USP3: variants seen among roughly 807,000 people sequenced by gnomAD.
USP3 encodes the protein ubiquitin carboxyl-terminal hydrolase 3.
USP3 carries 20 observed loss-of-function variants against 72.3 expected under a neutral mutation model. The observed-to-expected ratio is 0.28, with a 90% CI of 0.19 to 0.40. USP3 has a LOEUF of 0.40. USP3 is among the 10% of genes least tolerant of loss of function. The pLI is 1.00. For missense variants in USP3, 479 were observed against 633.9 expected, an observed-to-expected ratio of 0.76 and a Z score of 2.62; for synonymous variants, 222 against 225.3, an observed-to-expected ratio of 0.99 and a Z score of 0.13.
intron 9 of USP3, among the ~76,000 whole-genome samples, chr15:63,573,269 C>T (rs2066808641): frequency 6.6e-6 from 1 of 151,966 alleles, no homozygotes; most frequent in Non-Finnish European, 1.5e-5. Flanking sequence ...AAGCACTTCA[C>T]ATACACAACT....
At chr15:63,548,124 T>G (rs575859533) in intron 3 of USP3, among the ~76,000 whole-genome samples, 44 of 150,322 alleles carry the variant, frequency 2.9e-4, no homozygotes, top group African/African-American at 1.1e-3. Flanking sequence ...AAAATAAATA[T>G]AGTTACAAAA....
At position 63,529,190 on chromosome 15, in the gene USP3, T is replaced by C. The variant is rs370074821; in HGVS notation, c.92-3457T>C. ...AGGTAGTAAAGTGGTTTTTTTTTTT[T>C]TCTTTTTTTTGAGATATATTAAAAG... On this transcript the variant is annotated intron_variant, in intron 1 of 14. Transcript: ENST00000380324. The surrounding 1 kb of genome is among the most constrained non-coding windows in gnomAD (Gnocchi z 4.2). 8.7e-6 allele frequency: 5 copies of C among 573,890 alleles called. No individual in the cohort carries two copies. The highest frequency in any genetic ancestry group is 1.6e-5 in the South Asian group (1 of 62,374). The allele number at this position is 573,890 out of a possible 1,614,324, so 35.5% of individuals were successfully genotyped here. A position where few individuals can be genotyped will look rare whatever the true frequency, so the allele number is the denominator to read the frequency against.
chr15:63,584,501 C>T (rs570103353), intron 11 of USP3, among the ~76,000 whole-genome samples: 410 of 152,280 alleles, frequency 2.7e-3, no homozygotes, highest in Non-Finnish European at 4.7e-3. Flanking sequence ...GAAGTAGTAT[C>T]TCACTATGGT....
In USP3 at chr15:63,544,708, C is replaced by T. The variant is rs769002148; in HGVS notation, c.284+7552C>T. 1.6e-5 allele frequency: 11 copies of T among 701,324 alleles called. No individual in the cohort carries two copies. The highest frequency in any genetic ancestry group is 5.4e-5 in the East Asian group (2 of 37,214). The allele number at this position is 701,324 out of a possible 1,614,324, so 43.4% of individuals were successfully genotyped here. A position where few individuals can be genotyped will look rare whatever the true frequency, so the allele number is the denominator to read the frequency against. On this transcript the variant is annotated intron_variant, in intron 3 of 14. Transcript: ENST00000380324. The surrounding 1 kb of genome is among the most constrained non-coding windows in gnomAD (Gnocchi z 4.2). Reference sequence around the variant, plus strand: ...TTTGCCATTAAATAAGTGAATAGTGCGAAATGGAAAATACCGAGGGGTAAG... The same window carrying T: ...TTTGCCATTAAATAAGTGAATAGTGTGAAATGGAAAATACCGAGGGGTAAG...
chr15:63,522,320 A>C (rs2065931055), intron 1 of USP3, among the ~76,000 whole-genome samples: 1 of 152,234 alleles, frequency 6.6e-6, no homozygotes, highest in Non-Finnish European at 1.5e-5. Context: ...AGTGGATTAC[A>C]TATGTGTTGA....
At chr15:63,524,289 G>A (rs1348784428) in intron 1 of USP3, among the ~76,000 whole-genome samples, 1 of 152,200 alleles carries the variant, frequency 6.6e-6, no homozygotes, top group African/African-American at 2.4e-5. Context: ...ATCCTACTGG[G>A]TAAAACCTTC....
chr15:63,538,638 T>C (rs187104983), intron 3 of USP3, among the ~76,000 whole-genome samples: 237 of 151,360 alleles, frequency 1.6e-3, no homozygotes, highest in African/African-American at 5.5e-3. Flanking sequence ...CTCTGCCTCC[T>C]GGGTTCAAGC....
chr15:63,505,624 G>C (rs2065702534), intron 1 of USP3, among the ~76,000 whole-genome samples: 1 of 152,142 alleles, frequency 6.6e-6, no homozygotes, highest in Admixed American at 6.5e-5. Context: ...CTTTTGAGTA[G>C]CTTAAGCGTT....
At chr15:63,587,520 A>G (rs1022067443) in intron 11 of USP3, among the ~76,000 whole-genome samples, 2 of 152,258 alleles carry the variant, frequency 1.3e-5, no homozygotes, top group Admixed American at 6.5e-5. Context: ...ACGTTTAGTT[A>G]TAACATTGAT....
intron 3 of USP3, among the ~76,000 whole-genome samples, chr15:63,545,791 C>T (rs1595732956): frequency 1.3e-5 from 2 of 151,294 alleles, no homozygotes; most frequent in Admixed American, 6.6e-5. Flanking sequence ...AGCAACATGG[C>T]GAAAACCCAT....
chr15:63,542,820 A>G lies in USP3; in HGVS notation c.284+5664A>G, dbSNP rs989366489. On this transcript the variant is annotated intron_variant, in intron 3 of 14. Coordinates refer to ENST00000380324, the MANE Select transcript of USP3 (RefSeq NM_006537.4). ...TGTCATCATTTACATGATTGTCACT[A>G]TTATTAAGCATTGTTTTGGTAGTTC... Among the ~76,000 whole-genome samples the G allele has an allele frequency of 2.0e-5, 3 of 152,138 alleles. No homozygotes were observed. In the South Asian group the frequency reaches 6.2e-4, roughly 31 times the overall value.
At chr15:63,561,847 C>T (rs1011256783) in intron 7 of USP3, among the ~76,000 whole-genome samples, 3 of 152,222 alleles carry the variant, frequency 2.0e-5, no homozygotes, top group Non-Finnish European at 2.9e-5. Context: ...TTGAGATTCT[C>T]TGAGATACCA....
chr15:63,508,189 A>G lies in USP3; in HGVS notation c.91+3359A>G, dbSNP rs150639606. On this transcript the variant is annotated intron_variant, in intron 1 of 14. Coordinates refer to ENST00000380324, the MANE Select transcript of USP3 (RefSeq NM_006537.4). ...TCTGGATCCCCTGAATGGGTCCTGG[A>G]AACTTTCAGGGGTCCAGGACCACAC... is the stretch of plus-strand genomic sequence containing the variant. Among the ~76,000 whole-genome samples the G allele has an allele frequency of 4.0e-3, 602 of 152,314 alleles. 5 individuals carry two copies. Among genetic ancestry groups the G allele is most frequent in the Admixed American group, 0.014 (214 of 15,308 alleles).
At chr15:63,578,695 A>G (rs1412091297) in intron 11 of USP3, among the ~76,000 whole-genome samples, 2 of 152,140 alleles carry the variant, frequency 1.3e-5, no homozygotes, top group Non-Finnish European at 2.9e-5. Flanking sequence ...TGATCATCAT[A>G]GTTAATGGTG....
At chr15:63,550,133 C>T (rs2066415669) in intron 3 of USP3, among the ~76,000 whole-genome samples, 1 of 152,350 alleles carries the variant, frequency 6.6e-6, no homozygotes, top group African/African-American at 2.4e-5. Flanking sequence ...GATTCTCCTG[C>T]CTCAGCCTCC....
rs1386897697 is a variant in USP3 at position 63,534,529 on chromosome 15, C to A, written c.152+1822C>A. On this transcript the variant is annotated intron_variant, in intron 2 of 14. Coordinates refer to ENST00000380324, the MANE Select transcript of USP3 (RefSeq NM_006537.4). ...TAGACCAAAATGTCTAGTTAAAATC[C>A]AAAACTAGATGAGGGAAATATTTAA... 8.5e-5 allele frequency among the ~76,000 whole-genome samples: 13 copies of A among 152,172 alleles called. No homozygotes were observed. In the East Asian group the frequency reaches 2.3e-3, roughly 27 times the overall value.
rs185479946 is a variant in USP3 at position 63,535,608 on chromosome 15, G to A, written c.153-1417G>A. On this transcript the variant is annotated intron_variant, in intron 2 of 14. Transcript: ENST00000380324. ...TTATTTGACTCTAAAATTCATTTTA[G>A]TACAGTTTTATGAACAGAGGACTCA... Among the ~76,000 whole-genome samples the A allele has an allele frequency of 9.5e-4, 144 of 152,204 alleles. 1 individual carries two copies. Among genetic ancestry groups the A allele is most frequent in the African/African-American group, 3.4e-3 (143 of 41,512 alleles).
At chr15:63,508,075 C>G (rs978429993) in intron 1 of USP3, among the ~76,000 whole-genome samples, 1 of 152,098 alleles carries the variant, frequency 6.6e-6, no homozygotes, top group African/African-American at 2.4e-5. Context: ...ATCATGCAGC[C>G]TCAGGAACAC....
At chr15:63,522,389 G>A (rs574657280) in intron 1 of USP3, among the ~76,000 whole-genome samples, 29 of 152,344 alleles carry the variant, frequency 1.9e-4, no homozygotes, top group Non-Finnish European at 3.4e-4. Context: ...ATTTCTGGCT[G>A]TGAGAAGCCT....
Sources: allele counts gnomAD v4.1 joint callset (sites outside exome capture counted in the v4.1 genomes callset), GRCh38; gene constraint gnomAD v4.1.1; non-coding constraint Gnocchi (gnomAD v3.1); transcripts MANE v1.5; gene names NCBI Gene and HGNC (gene_info 2026-07-23, HGNC 2026-07-21).